The following USP45 variants were observed in gnomAD, a reference collection of about 807,000 sequenced individuals.
USP45 encodes the protein ubiquitin specific peptidase 45.
Under a neutral mutation model 95.8 loss-of-function variants are expected in USP45, and 89 were observed. The observed-to-expected ratio is 0.93, with a 90% CI of 0.78 to 1.11. The LOEUF (loss-of-function observed/expected upper bound fraction) is 1.11, where lower values mean the gene tolerates loss of function less well. Ranked by LOEUF, USP45 falls within the 50% of genes least tolerant of loss-of-function variation. The pLI, the probability that USP45 is intolerant of heterozygous loss-of-function variation, is 0.00. For synonymous variants in USP45, 281 were observed against 316.2 expected (o/e 0.89, Z 1.18); for missense variants, 898 against 942.5 (o/e 0.95, Z 0.62).
chr6:99,454,912 A>C (rs1421961643), intron 13 of USP45, among the ~76,000 whole-genome samples: 2 of 151,488 alleles, frequency 1.3e-5, no homozygotes, highest in African/African-American at 4.9e-5. Context: ...CATGGTGAAA[A>C]CCCTGTCTCT....
chr6:99,486,818 C>G (rs1794007012), intron 7 of USP45, among the ~76,000 whole-genome samples: 2 of 152,176 alleles, frequency 1.3e-5, no homozygotes, highest in Non-Finnish European at 1.5e-5. Flanking sequence ...TACATATACT[C>G]TGACTTACAC....
intron 5 of USP45, among the ~76,000 whole-genome samples, chr6:99,492,463 G>T (rs186921132): frequency 2.6e-5 from 4 of 151,854 alleles, no homozygotes; most frequent in Admixed American, 2.6e-4. Flanking sequence ...AATTAACTAC[G>T]CTATCAAACA....
intron 13 of USP45, among the ~76,000 whole-genome samples, chr6:99,456,903 G>A (rs965155672): frequency 1.3e-5 from 2 of 152,194 alleles, no homozygotes; most frequent in East Asian, 1.9e-4. Flanking sequence ...GAGAAATATC[G>A]CTGAATTCTT....
chr6:99,476,769 T>C (rs1161077133), intron 8 of USP45, among the ~76,000 whole-genome samples: 2 of 152,240 alleles, frequency 1.3e-5, no homozygotes, highest in East Asian at 3.8e-4. Context: ...GCCACTGTGA[T>C]TTATTATCTT....
At chr6:99,493,214 T>C (rs1795570105) in intron 5 of USP45, among the ~76,000 whole-genome samples, 1 of 151,966 alleles carries the variant, frequency 6.6e-6, no homozygotes, top group South Asian at 2.1e-4. Context: ...TTAGTAGAGA[T>C]GGGGTTTCAC....
In USP45 at chr6:99,434,759, C is replaced by A. The variant is rs1437021563; in HGVS notation, c.*957G>T. On this transcript the variant is annotated 3_prime_UTR_variant, in exon 18 of 18. Transcript: ENST00000500704. ...TTCTGTTAAGAATATAATTCTCTATCATTTACAAATATAATTTGGTAATTT... is the reference window on the plus strand; with the variant it reads ...TTCTGTTAAGAATATAATTCTCTATAATTTACAAATATAATTTGGTAATTT... The A allele has an allele frequency of 6.6e-6, 1 of 152,120 alleles. No individual in the cohort carries two copies. The highest frequency in any genetic ancestry group is 2.4e-5 in the African/African-American group (1 of 41,432). 9.4% of individuals were successfully genotyped at this position (152,120 alleles called of 1,614,324 possible).
rs1293618737 is a variant in USP45, at chr6:99,466,630, T to C, written c.1107+42A>G. 9.6e-6 allele frequency: 14 copies of C among 1,458,556 alleles called. No homozygotes were observed. In the East Asian group the frequency reaches 1.8e-4, roughly 19 times the overall value. The allele number at this position is 1,458,556 out of a possible 1,614,324, so 90.4% of individuals were successfully genotyped here. On this transcript the variant is annotated intron_variant, in intron 11 of 17. Coordinates refer to ENST00000500704, the MANE Select transcript of USP45 (RefSeq NM_001346022.3). ...AGAAAATATAATAAAAATGATGTGA[T>C]TGTAATCCATTCCATGCTGAATTGA...
chr6:99,453,500 G>A (rs1784367603), intron 13 of USP45, among the ~76,000 whole-genome samples: 2 of 152,106 alleles, frequency 1.3e-5, no homozygotes, highest in Admixed American at 6.6e-5. Context: ...ATAAAATACT[G>A]ATGAAAGAAA....
At chr6:99,467,774 C>A (rs569244686) in intron 10 of USP45, among the ~76,000 whole-genome samples, 3 of 151,808 alleles carry the variant, frequency 2.0e-5, no homozygotes, top group African/African-American at 7.3e-5. Context: ...AATCTTGAAC[C>A]CTTAATTACA....
intron 13 of USP45, among the ~76,000 whole-genome samples, chr6:99,455,998 T>G (rs1185992161): frequency 6.6e-6 from 1 of 151,568 alleles, no homozygotes; most frequent in Non-Finnish European, 1.5e-5. Context: ...CCGGGCTTGA[T>G]GGCGGGCACC....
intron 14 of USP45, among the ~76,000 whole-genome samples, chr6:99,444,048 G>T (rs1472195353): frequency 6.6e-6 from 1 of 151,340 alleles, no homozygotes; most frequent in African/African-American, 2.4e-5. Flanking sequence ...TGAGATTGCT[G>T]TTACCCAGGC....
intron 5 of USP45, among the ~76,000 whole-genome samples, chr6:99,496,866 A>G (rs1465702902): frequency 1.3e-5 from 2 of 152,048 alleles, no homozygotes; most frequent in African/African-American, 4.8e-5. Context: ...CATAGCCTCC[A>G]TTATCAACAT....
chr6:99,474,638 G>T (rs1245830316), intron 9 of USP45, among the ~76,000 whole-genome samples: 1 of 152,180 alleles, frequency 6.6e-6, no homozygotes, highest in East Asian at 1.9e-4. Flanking sequence ...ATGGAAAACA[G>T]GTTTTCACCT....
intron 16 of USP45, among the ~76,000 whole-genome samples, chr6:99,437,714 A>C (rs1780770529): frequency 6.6e-6 from 1 of 151,744 alleles, no homozygotes; most frequent in Non-Finnish European, 1.5e-5. Context: ...CTGGAGTGCA[A>C]TGGTGTGATC....
intron 9 of USP45, among the ~76,000 whole-genome samples, chr6:99,475,458 G>A (rs1285649864): frequency 1.3e-5 from 2 of 151,820 alleles, no homozygotes; most frequent in Non-Finnish European, 2.9e-5. Flanking sequence ...TAGGATTACA[G>A]GCACACGCTA....
chr6:99,482,296 C>T (rs1792626319), intron 8 of USP45: 2 of 153,182 alleles, frequency 1.3e-5, no homozygotes, highest in African/African-American at 2.4e-5. Context: ...TTTCCAGGCA[C>T]ATAAGGATTT....
At chr6:99,450,256 G>C (rs1189678036) in intron 13 of USP45, among the ~76,000 whole-genome samples, 1 of 151,762 alleles carries the variant, frequency 6.6e-6, no homozygotes, top group South Asian at 2.1e-4. Flanking sequence ...CTGGTTTTTT[G>C]AAAAGATCAA....
At chr6:99,503,619 T>C (rs1018426189) in intron 5 of USP45, 146 bp downstream of exon 5, 1 of 557,088 alleles carries the variant, frequency 1.8e-6, no homozygotes. Flanking sequence ...CATGAGCCAC[T>C]GCACCCAGCC....
intron 9 of USP45, among the ~76,000 whole-genome samples, chr6:99,474,755 T>C (rs71564272): frequency 0.15 from 22,346 of 152,194 alleles, 2,361 homozygotes; most frequent in Non-Finnish European, 0.21. Flanking sequence ...ATCAGCAATG[T>C]CTTCTATGAG....
Sources: allele counts gnomAD v4.1 joint callset (sites outside exome capture counted in the v4.1 genomes callset), GRCh38; gene constraint gnomAD v4.1.1; transcripts MANE v1.5; gene names NCBI Gene and HGNC (gene_info 2026-07-23, HGNC 2026-07-21).